Variants in AFG2A observed in about 807,000 individuals in gnomAD.
AFG2A encodes the protein AAA ATPase AFG2A.
At chr4:123,022,409 A>G in the AFG2A span, among the ~76,000 whole-genome samples, 1 of 152,134 alleles carries the variant, frequency 6.6e-6, no homozygotes, top group African/African-American at 2.4e-5. Flanking sequence ...GAAGACATTT[A>G]TGCAGCCAAA....
the AFG2A span, among the ~76,000 whole-genome samples, chr4:123,177,588 G>T: frequency 6.6e-6 from 1 of 152,174 alleles, no homozygotes; most frequent in Admixed American, 6.5e-5. Context: ...TTTTAAAAAA[G>T]TAAATGTCCT....
At chr4:122,968,075 C>T in the AFG2A span, among the ~76,000 whole-genome samples, 2 of 151,706 alleles carry the variant, frequency 1.3e-5, no homozygotes, top group African/African-American at 4.8e-5. Flanking sequence ...CCCTTTTTTC[C>T]AGCTTCTCCC....
At chr4:123,000,563 A>C in the AFG2A span, among the ~76,000 whole-genome samples, 2 of 147,220 alleles carry the variant, frequency 1.4e-5, no homozygotes, top group Non-Finnish European at 3.0e-5. Flanking sequence ...TGAGATAATC[A>C]TGTGGTTTTT....
the AFG2A span, among the ~76,000 whole-genome samples, chr4:123,075,307 G>A: frequency 6.6e-6 from 1 of 152,028 alleles, no homozygotes; most frequent in African/African-American, 2.4e-5. Flanking sequence ...GTTGAGTTGA[G>A]CGTCTAAAGC....
At chr4:123,038,308 C>T in the AFG2A span, among the ~76,000 whole-genome samples, 1 of 152,012 alleles carries the variant, frequency 6.6e-6, no homozygotes, top group Admixed American at 6.6e-5. Flanking sequence ...ACATAGTAAG[C>T]ATATAGAAAG....
the AFG2A span, chr4:122,923,439 C>T: frequency 6.0e-6 from 7 of 1,170,210 alleles, no homozygotes; most frequent in East Asian, 2.4e-5. Flanking sequence ...GGCACAGAAG[C>T]GTGTAAGACT....
At chr4:123,017,032 G>T in the AFG2A span, among the ~76,000 whole-genome samples, 1 of 152,248 alleles carries the variant, frequency 6.6e-6, no homozygotes, top group East Asian at 1.9e-4. Context: ...TGAGGCAGGA[G>T]AATCAGGCAG....
chr4:123,048,475 A>T, the AFG2A span, among the ~76,000 whole-genome samples: 11 of 152,136 alleles, frequency 7.2e-5, no homozygotes, highest in Non-Finnish European at 1.5e-4. Flanking sequence ...AACAATACTT[A>T]TTCTAATTCA....
At chr4:123,054,205 A>G in the AFG2A span, among the ~76,000 whole-genome samples, 145 of 152,340 alleles carry the variant, frequency 9.5e-4, no homozygotes, top group South Asian at 3.1e-3. Context: ...TGCAAAAGCA[A>G]GCTCAGTGGA....
the AFG2A span, among the ~76,000 whole-genome samples, chr4:123,095,861 TA>T: frequency 1.7e-4 from 26 of 152,138 alleles, no homozygotes; most frequent in African/African-American, 6.0e-4. Context: ...ATGATGATTT[TA>T]GGTTAGTATG....
At chr4:123,069,498 A>C in the AFG2A span, among the ~76,000 whole-genome samples, 17 of 152,278 alleles carry the variant, frequency 1.1e-4, no homozygotes, top group African/African-American at 3.6e-4. Flanking sequence ...ACAAAGAAGG[A>C]GTGTAGGTAG....
the AFG2A span, among the ~76,000 whole-genome samples, chr4:123,152,283 C>G: frequency 6.6e-6 from 1 of 151,984 alleles, no homozygotes; most frequent in Admixed American, 6.6e-5. Flanking sequence ...CACACGTATC[C>G]CAGAACTTAA....
At chr4:123,143,585 C>A in the AFG2A span, among the ~76,000 whole-genome samples, 4 of 151,832 alleles carry the variant, frequency 2.6e-5, no homozygotes, top group African/African-American at 4.8e-5. Context: ...GATATAGGTA[C>A]AAGAGTTTAA....
the AFG2A span, among the ~76,000 whole-genome samples, chr4:123,263,964 C>G: frequency 6.6e-6 from 1 of 152,230 alleles, no homozygotes; most frequent in Admixed American, 6.5e-5. Flanking sequence ...AGCCCAAATG[C>G]CCATCAATCA....
At chr4:123,300,371 AT>A in the AFG2A span, among the ~76,000 whole-genome samples, 1 of 152,102 alleles carries the variant, frequency 6.6e-6, no homozygotes, top group Non-Finnish European at 1.5e-5. Flanking sequence ...CACATATATA[AT>A]TTTTTGTTGT....
the AFG2A span, among the ~76,000 whole-genome samples, chr4:123,115,603 C>A: frequency 2.6e-5 from 4 of 152,108 alleles, no homozygotes; most frequent in East Asian, 7.8e-4. Context: ...GCAGGTAGGT[C>A]AGCCCGGCCC....
the AFG2A span, among the ~76,000 whole-genome samples, chr4:123,059,668 CA>C: frequency 6.6e-6 from 1 of 150,988 alleles, no homozygotes; most frequent in African/African-American, 2.4e-5. Flanking sequence ...AGTATATACC[CA>C]GTAATGGGAT....
At chr4:122,923,250 A>G in the AFG2A span, 1 of 1,614,028 alleles carries the variant, frequency 6.2e-7, no homozygotes, top group Non-Finnish European at 8.5e-7. Flanking sequence ...CTTCTGCTGG[A>G]TCAGACTTCG....
the AFG2A span, among the ~76,000 whole-genome samples, chr4:123,067,304 GTCAGGAGA>G: frequency 1.3e-5 from 2 of 152,030 alleles, no homozygotes; most frequent in East Asian, 1.9e-4. Flanking sequence ...GGATCACGAG[GTCAGGAGA>G]TCCAGACCAT....
Sources: gnomAD v4.1 joint callset for allele counts (sites outside exome capture counted in the v4.1 genomes callset) on GRCh38, gnomAD v4.1.1 for gene constraint, MANE v1.5 for transcripts, NCBI Gene and HGNC (gene_info 2026-07-23, HGNC 2026-07-21) for gene names.